The following NELL1 variants were observed in gnomAD, a reference collection of about 807,000 sequenced individuals.
NELL1 encodes protein kinase C-binding protein NELL1.
NELL1 carries 76 observed loss-of-function variants against 107.4 expected under a neutral mutation model. The observed-to-expected ratio is 0.71, with a 90% confidence interval of 0.59 to 0.86. The LOEUF (loss-of-function observed/expected upper bound fraction) is 0.86, where lower values mean the gene tolerates loss of function less well. NELL1 is among the 40% of genes least tolerant of loss of function. The pLI, the probability that NELL1 is intolerant of heterozygous loss-of-function variation, is 0.00. For synonymous variants in NELL1, 353 were observed against 341.2 expected, an observed-to-expected ratio of 1.03 and a Z score of -0.38; for missense variants, 1,024 against 1,005.5, an observed-to-expected ratio of 1.02 and a Z score of -0.25.
At chr11:21,290,679 C>T (rs1409437333) in intron 14 of NELL1, among the ~76,000 whole-genome samples, 1 of 152,212 alleles carries the variant, frequency 6.6e-6, no homozygotes, top group African/African-American at 2.4e-5. Context: ...TCTGCAGCCT[C>T]TGCTGGTGAT....
chr11:21,317,345 T>A (rs764771375), intron 14 of NELL1, among the ~76,000 whole-genome samples: 1 of 32,376 alleles, frequency 3.1e-5, no homozygotes, highest in Non-Finnish European at 6.3e-5. Context: ...TCCTGGCACA[T>A]AAAGCTTCCT....
intron 3 of NELL1, among the ~76,000 whole-genome samples, chr11:20,831,848 G>A (rs1858016943): frequency 6.6e-6 from 1 of 152,122 alleles, no homozygotes; most frequent in South Asian, 2.1e-4. Flanking sequence ...AAGGTAAATT[G>A]GTTTTTGTCA....
chr11:21,050,949 A>G (rs983011505), intron 12 of NELL1, among the ~76,000 whole-genome samples: 2 of 152,150 alleles, frequency 1.3e-5, no homozygotes, highest in African/African-American at 4.8e-5. Context: ...TGGCTTTCCA[A>G]TGGAAACGGA....
intron 5 of NELL1, among the ~76,000 whole-genome samples, chr11:20,898,020 C>G (rs897945235): frequency 1.3e-5 from 2 of 152,140 alleles, no homozygotes; most frequent in East Asian, 1.9e-4. Flanking sequence ...GGTGATTCCT[C>G]AGGGATCTAG....
At chr11:20,751,298 A>C (rs1030334520) in intron 2 of NELL1, among the ~76,000 whole-genome samples, 1 of 152,148 alleles carries the variant, frequency 6.6e-6, no homozygotes, top group Non-Finnish European at 1.5e-5. Context: ...CATTAAATCT[A>C]TGCATCAATT....
rs539246807 is a variant in NELL1, at chr11:20,872,449, G to A, written c.507-12995G>A. Among the ~76,000 whole-genome samples the A allele has an allele frequency of 2.2e-3, 340 of 152,212 alleles. 1 individual carries two copies. Among genetic ancestry groups the A allele is most frequent in the Non-Finnish European group, 3.6e-3 (248 of 68,026 alleles). On this transcript the variant is annotated intron_variant, in intron 4 of 19. Transcript: ENST00000357134. The stretch of plus-strand genomic sequence containing the variant: ...GCCCACCTTGGCTTCCCAAAGTGCT[G>A]GGCTTACAGGTATGAGCCACATGGG...
chr11:21,249,298 A>G (rs1470997038), intron 14 of NELL1, among the ~76,000 whole-genome samples: 4 of 152,182 alleles, frequency 2.6e-5, no homozygotes, highest in Non-Finnish European at 5.9e-5. Context: ...TTTAGATGGA[A>G]GAATAATTAG....
In NELL1 at chr11:20,818,406, C is replaced by CTTTTTTTTTTTTTTTTTTT; in HGVS notation, c.336-29172_336-29154dup. On this transcript the variant is annotated intron_variant, in intron 3 of 19. Coordinates refer to ENST00000357134, the MANE Select transcript of NELL1 (RefSeq NM_006157.5). Reference sequence around the variant, plus strand: ...TCCCATATAAGAGAAGCAACCCCTGCTTTTTTTTTTTTTTTTTTTTTTTGT... The same window carrying CTTTTTTTTTTTTTTTTTTT: ...TCCCATATAAGAGAAGCAACCCCTGCTTTTTTTTTTTTTTTTTTTTTTTTTTTTTTTTTTTTTTTTTTGT... Among the ~76,000 whole-genome samples, 2 of 108,730 alleles carry CTTTTTTTTTTTTTTTTTTT rather than the reference C, an allele frequency of 1.8e-5. 1 individual carries two copies. The highest frequency in any genetic ancestry group is 3.9e-5 in the Non-Finnish European group (2 of 51,932). 71.3% of individuals were successfully genotyped at this position (108,730 alleles called of 152,430 possible).
intron 12 of NELL1, among the ~76,000 whole-genome samples, chr11:21,006,004 A>G (rs1471448302): frequency 4.0e-5 from 6 of 151,834 alleles, no homozygotes. Flanking sequence ...TTTCTTATCC[A>G]TTAAATAGAT....
At chr11:20,937,910 A>T in intron 10 of NELL1, 51 bp downstream of exon 10, 1 of 1,549,354 alleles carries the variant, frequency 6.5e-7, no homozygotes, top group Non-Finnish European at 8.9e-7. Flanking sequence ...GAATAGATAG[A>T]TGTGTGGGCT....
intron 5 of NELL1, among the ~76,000 whole-genome samples, chr11:20,915,719 T>TATATATATATATATATATATATA (rs1332292027): frequency 6.6e-3 from 159 of 24,058 alleles, no homozygotes; most frequent in Middle Eastern, 0.023. Flanking sequence ...ATATATATAT[T>TATATATATATATATATATATATA]TTTTTTTTTT....
At chr11:21,276,170 A>G (rs1175120593) in intron 14 of NELL1, among the ~76,000 whole-genome samples, 1 of 152,168 alleles carries the variant, frequency 6.6e-6, no homozygotes, top group Non-Finnish European at 1.5e-5. Context: ...TCAACCCAAA[A>G]TCTCCTTAAG....
intron 12 of NELL1, among the ~76,000 whole-genome samples, chr11:20,970,707 A>G (rs1220792576): frequency 1.3e-5 from 2 of 152,128 alleles, no homozygotes; most frequent in Non-Finnish European, 2.9e-5. Flanking sequence ...GGCTGGACCA[A>G]AGGATTTTGG....
chr11:20,998,226 T>C (rs1033915800), intron 12 of NELL1, among the ~76,000 whole-genome samples: 9 of 152,164 alleles, frequency 5.9e-5, no homozygotes, highest in Admixed American at 5.2e-4. Context: ...CTTATAGCCC[T>C]GTTTTCAATA....
chr11:21,029,979 C>G (rs1852912780), intron 12 of NELL1, among the ~76,000 whole-genome samples: 1 of 152,108 alleles, frequency 6.6e-6, no homozygotes, highest in African/African-American at 2.4e-5. Flanking sequence ...TCTAGAGTGA[C>G]CTGCTGAATG....
At chr11:21,467,780 T>G (rs543864787) in intron 15 of NELL1, among the ~76,000 whole-genome samples, 4 of 152,108 alleles carry the variant, frequency 2.6e-5, no homozygotes, top group African/African-American at 9.6e-5. Flanking sequence ...GGGGTGTGAT[T>G]AGATGGTGAA....
chr11:21,503,890 C>A (rs1396833750), intron 15 of NELL1, among the ~76,000 whole-genome samples: 1 of 151,996 alleles, frequency 6.6e-6, no homozygotes, highest in African/African-American at 2.4e-5. Context: ...GATCCTCAAA[C>A]CCTCTTCACA....
At chr11:20,822,329 A>T (rs1012692072) in intron 3 of NELL1, among the ~76,000 whole-genome samples, 1 of 152,240 alleles carries the variant, frequency 6.6e-6, no homozygotes, top group African/African-American at 2.4e-5. Context: ...GAAATCAAAT[A>T]GATGGTATAG....
intron 14 of NELL1, among the ~76,000 whole-genome samples, chr11:21,300,727 A>G (rs1251992645): frequency 6.6e-6 from 1 of 151,942 alleles, no homozygotes; most frequent in Non-Finnish European, 1.5e-5. Context: ...CGCACCAATA[A>G]CATTTTCAAA....
Sources: gnomAD v4.1 joint callset for allele counts (sites outside exome capture counted in the v4.1 genomes callset) on GRCh38, gnomAD v4.1.1 for gene constraint, MANE v1.5 for transcripts, NCBI Gene and HGNC (gene_info 2026-07-23, HGNC 2026-07-21) for gene names.